The following PLCXD3 variants were observed in gnomAD, a reference collection of about 807,000 sequenced individuals.
PLCXD3 encodes the protein phosphatidylinositol specific phospholipase C X domain containing 3.
In PLCXD3, 19 loss-of-function variants were observed where a neutral mutation model predicts 25.5. The ratio of observed to expected loss-of-function variants is 0.75; its 90% CI spans 0.52 to 1.09. The LOEUF (loss-of-function observed/expected upper bound fraction) is 1.09. Among genes scored for constraint, PLCXD3 ranks in the 50% least tolerant of loss-of-function variants. The probability of loss-of-function intolerance (pLI) is 0.00; values close to 1 mark genes in which losing one functional copy is unlikely to be tolerated. For synonymous variants in PLCXD3, 174 were observed against 137.6 expected (o/e 1.26, Z -1.85); for missense variants, 411 against 388.1 (o/e 1.06, Z -0.50).
rs181196759 is a variant in PLCXD3, at chr5:41,314,541, A to T, written c.813-771T>A. 2.3e-3 allele frequency among the ~76,000 whole-genome samples: 352 copies of T among 152,352 alleles called. 2 individuals carry two copies. The highest frequency in any genetic ancestry group is 7.5e-3 in the African/African-American group (313 of 41,592). ...CTGCAGGTAGGGAGGAGAGATGCAG[A>T]TTGCATTTTAAAATAGGGTGGCTTA... On this transcript the variant is annotated intron_variant, in intron 2 of 2. Coordinates refer to ENST00000377801, the MANE Select transcript of PLCXD3 (RefSeq NM_001005473.3).
intron 1 of PLCXD3, among the ~76,000 whole-genome samples, chr5:41,495,470 T>C (rs151196346): frequency 2.7e-3 from 414 of 152,316 alleles, no homozygotes; most frequent in Non-Finnish European, 4.8e-3. Context: ...TTTGATGGGA[T>C]ACCCAAGGGG....
chr5:41,418,259 AG>A (rs1746737863), intron 1 of PLCXD3, among the ~76,000 whole-genome samples: 1 of 152,248 alleles, frequency 6.6e-6, no homozygotes. Flanking sequence ...TGCATTAATA[AG>A]AGGAGGTCAA....
chr5:41,353,563 A>C (rs1744535239), intron 2 of PLCXD3, among the ~76,000 whole-genome samples: 3 of 152,250 alleles, frequency 2.0e-5, no homozygotes. Flanking sequence ...TTTATTGAGC[A>C]TCTACTATAT....
intron 2 of PLCXD3, among the ~76,000 whole-genome samples, chr5:41,329,664 G>A (rs1032483313): frequency 6.6e-6 from 1 of 151,658 alleles, no homozygotes; most frequent in East Asian, 1.9e-4. Context: ...AATTTGAAAG[G>A]TGCCTTTCCT....
At chr5:41,337,865 A>C (rs1225185526) in intron 2 of PLCXD3, among the ~76,000 whole-genome samples, 1 of 152,172 alleles carries the variant, frequency 6.6e-6, no homozygotes, top group African/African-American at 2.4e-5. Context: ...GAGAAATTTT[A>C]AGTCAATTAG....
intron 1 of PLCXD3, among the ~76,000 whole-genome samples, chr5:41,441,639 A>G (rs1176734057): frequency 1.3e-5 from 2 of 152,136 alleles, no homozygotes; most frequent in African/African-American, 2.4e-5. Context: ...GGACCTCACT[A>G]TGCACTTTTA....
intron 2 of PLCXD3, among the ~76,000 whole-genome samples, chr5:41,350,262 T>C (rs919903612): frequency 6.6e-6 from 1 of 152,228 alleles, no homozygotes; most frequent in Non-Finnish European, 1.5e-5. Context: ...ATATTTGATT[T>C]AAGCTAAATC....
intron 1 of PLCXD3, among the ~76,000 whole-genome samples, chr5:41,409,956 T>C (rs996657924): frequency 1.2e-4 from 19 of 152,166 alleles, no homozygotes; most frequent in Non-Finnish European, 2.4e-4. Flanking sequence ...ACTAAGTGCC[T>C]GGCACAGAGT....
chr5:41,505,514 G>A lies in PLCXD3; in HGVS notation c.103+4910C>T, dbSNP rs568315282. On this transcript the variant is annotated intron_variant, in intron 1 of 2. Transcript: ENST00000377801. ...TCGATAACAATATTGCAAAGTTCTA[G>A]CTTATAAATAAAATGAATCAACCTG... Among the ~76,000 whole-genome samples, 24 of 152,226 alleles carry A rather than the reference G, an allele frequency of 1.6e-4. No homozygotes were observed. The South Asian group carries it at 4.8e-3, about 30-fold the overall frequency.
At chr5:41,333,045 GTAAC>G (rs1195230955) in intron 2 of PLCXD3, among the ~76,000 whole-genome samples, 1 of 152,048 alleles carries the variant, frequency 6.6e-6, no homozygotes, top group Non-Finnish European at 1.5e-5. Context: ...GTATACATTT[GTAAC>G]TAACCTGCAC....
intron 1 of PLCXD3, among the ~76,000 whole-genome samples, chr5:41,403,410 T>TTTTTTTTGTTTTTG (rs1554047973): frequency 7.1e-5 from 3 of 41,960 alleles, no homozygotes; most frequent in South Asian, 6.5e-4. Flanking sequence ...TGTTTTTTTT[T>TTTTTTTTGTTTTTG]TTTTTTATTA....
intron 1 of PLCXD3, among the ~76,000 whole-genome samples, chr5:41,399,427 A>G (rs1178459430): frequency 6.6e-6 from 1 of 152,040 alleles, no homozygotes; most frequent in South Asian, 2.1e-4. Context: ...AGGAATCACA[A>G]TACCTGACTT....
At chr5:41,328,279 G>A (rs920160067) in intron 2 of PLCXD3, among the ~76,000 whole-genome samples, 1 of 152,164 alleles carries the variant, frequency 6.6e-6, no homozygotes, top group Non-Finnish European at 1.5e-5. Context: ...TAATCACTGA[G>A]TGACAGCCTG....
chr5:41,440,503 G>A (rs911994969), intron 1 of PLCXD3, among the ~76,000 whole-genome samples: 2 of 151,918 alleles, frequency 1.3e-5, no homozygotes, highest in Admixed American at 6.6e-5. Flanking sequence ...AAAGTGCTGG[G>A]ATTACAGGTG....
In PLCXD3 at chr5:41,381,849, G is replaced by A. The variant is rs770518107; in HGVS notation, c.789C>T (p.Gly263=). The A allele has an allele frequency of 7.5e-6, 12 of 1,609,190 alleles. No individual in the cohort carries two copies. The Admixed American group carries it at 2.0e-4, about 27-fold the overall frequency. ...ASTVVKGVAS[G]LRETITERAL... is the part of the protein sequence containing the mutation. ...ACCTTTCTGTGATTGTTTCTCTGAG[G>A]CCACTTGCCACCCCTTTGACCACAG... Residue 263 remains glycine (G), a synonymous_variant, in exon 2 of 3, where the codon GGC becomes GGT. Coordinates refer to ENST00000377801, the MANE Select transcript of PLCXD3 (RefSeq NM_001005473.3).
chr5:41,510,284 G>A (rs1561294726), intron 1 of PLCXD3, 140 bp downstream of exon 1: 3 of 731,826 alleles, frequency 4.1e-6, no homozygotes. Context: ...GCACGCGCTC[G>A]CCTGGCCTGA....
intron 1 of PLCXD3, among the ~76,000 whole-genome samples, chr5:41,491,605 A>T (rs1032697768): frequency 1.9e-4 from 29 of 152,052 alleles, no homozygotes; most frequent in Admixed American, 3.9e-4. Context: ...TTACTTTATG[A>T]ATCTGGGTGC....
At chr5:41,422,568 CATTA>C (rs1160608004) in intron 1 of PLCXD3, among the ~76,000 whole-genome samples, 9 of 152,122 alleles carry the variant, frequency 5.9e-5, no homozygotes, top group African/African-American at 1.9e-4. Flanking sequence ...GTTAGGATTG[CATTA>C]ATTGATAGAA....
chr5:41,339,814 A>G (rs997537237), intron 2 of PLCXD3, among the ~76,000 whole-genome samples: 8 of 152,170 alleles, frequency 5.3e-5, no homozygotes, highest in African/African-American at 1.9e-4. Context: ...TATAAAAATG[A>G]CCTTAAAAAG....
Sources: allele counts gnomAD v4.1 joint callset (sites outside exome capture counted in the v4.1 genomes callset), GRCh38; gene constraint gnomAD v4.1.1; transcripts MANE v1.5; gene names NCBI Gene and HGNC (gene_info 2026-07-23, HGNC 2026-07-21).